The following MKS1 variants were observed in gnomAD, a reference collection of about 807,000 sequenced individuals.
MKS1 encodes the protein tectonic-like complex member MKS1.
A neutral mutation model predicts 83.7 loss-of-function variants in MKS1; 70 were observed. The ratio of observed to expected loss-of-function variants is 0.84; its 90% CI spans 0.69 to 1.02. The LOEUF is 1.02. MKS1 is among the 50% of genes least tolerant of loss of function. The probability of loss-of-function intolerance (pLI) is 0.00; values close to 1 mark genes in which losing one functional copy is unlikely to be tolerated. For synonymous variants in MKS1, 251 were observed against 273.4 expected (o/e 0.92, Z 0.81); for missense variants, 681 against 726.9 (o/e 0.94, Z 0.73).
chr17:58,206,146 C>T lies in MKS1; in HGVS notation c.1613G>A (p.Arg538His), dbSNP rs557678962. ...VLEAFRRARR[R>H]MQEARESLPQ... ...GAGGCTTTCCCGGGCCTCCTGCATG[C>T]GGCGCCGGGCTCGACGGAAGGCCTC... Residue 538 changes from arginine (R) to histidine (H), a missense_variant, in exon 18 of 18, where the codon CGC (arginine) becomes CAC (histidine). Arg to His is a conservative substitution (Grantham distance 29). Transcript: ENST00000393119. 7.7e-5 allele frequency: 124 copies of T among 1,613,478 alleles called. 2 individuals are homozygous for T. The highest frequency in any genetic ancestry group is 5.4e-4 in the South Asian group (49 of 91,054).
At chr17:58,218,488 ATAG>A in intron 2 of MKS1, 129 bp downstream of exon 2, 1 of 525,252 alleles carries the variant, frequency 1.9e-6, no homozygotes, top group South Asian at 1.8e-5. Flanking sequence ...AAAGCCACAA[ATAG>A]AATGTAGGTT....
At chr17:58,217,654 TA>T (rs376992793) in intron 2 of MKS1, among the ~76,000 whole-genome samples, 1 of 151,068 alleles carries the variant, frequency 6.6e-6, no homozygotes, top group Admixed American at 6.6e-5. Context: ...ACTAAAACTT[TA>T]AAAAAAAATA....
chr17:58,215,793 G>C, intron 4 of MKS1: 1 of 411,422 alleles, frequency 2.4e-6, no homozygotes, highest in Admixed American at 3.6e-5. Context: ...ATGCATGGAG[G>C]AAGTCAAGCC....
In MKS1 at chr17:58,214,136, G is replaced by A; in HGVS notation, c.644+123C>T. On this transcript the variant is annotated intron_variant, in intron 6 of 17. Transcript: ENST00000393119. ...AGTGAGAAGCTTCACTCATAACTAA[G>A]AAGAGAAGGAAGAAAAAGTCCCTCC... 6 of 1,435,714 alleles carry A rather than the reference G, an allele frequency of 4.2e-6. No individual in the cohort carries two copies. In the South Asian group the frequency reaches 5.9e-5, roughly 14 times the overall value. 88.9% of individuals were successfully genotyped at this position (1,435,714 alleles called of 1,614,324 possible).
In MKS1 at chr17:58,210,735, A is replaced by G. The variant is rs755259079; in HGVS notation, c.959-11T>C. 1.2e-6 allele frequency: 2 copies of G among 1,613,912 alleles called. No homozygotes were observed. The highest frequency in any genetic ancestry group is 1.7e-6 in the Non-Finnish European group (2 of 1,179,796). On this transcript the variant is annotated splice_polypyrimidine_tract_variant and intron_variant, in intron 10 of 17. Transcript: ENST00000393119. Reference sequence around the variant, plus strand: ...AGCCTTGGGCTGAAACTACGAGAGAAAACAGGAAGCTATTTTAGCTTTTTC... The same window carrying G: ...AGCCTTGGGCTGAAACTACGAGAGAGAACAGGAAGCTATTTTAGCTTTTTC...
At chr17:58,214,601 T>G (rs1969081725) in intron 5 of MKS1, 140 bp downstream of exon 5, 1 of 1,044,086 alleles carries the variant, frequency 9.6e-7, no homozygotes, top group Admixed American at 3.3e-5. Flanking sequence ...GAAGATATTT[T>G]ATATTTTTAT....
In MKS1 at chr17:58,214,942, C is replaced by T. The variant is rs761619839; in HGVS notation, c.418-104G>A. 4.6e-6 allele frequency: 7 copies of T among 1,514,360 alleles called. No homozygotes were observed. In the South Asian group the frequency reaches 4.8e-5, roughly 10 times the overall value. 93.8% of individuals were successfully genotyped at this position (1,514,360 alleles called of 1,614,324 possible). A position where few individuals can be genotyped will look rare whatever the true frequency, so the allele number is the denominator to read the frequency against. ...CCTGAAACCTCATCCAGGACCTGAA[C>T]CCCACAGGTTCCGCCACCTCACAAT... is the stretch of plus-strand genomic sequence containing the variant. On this transcript the variant is annotated intron_variant, in intron 4 of 17. Coordinates refer to ENST00000393119, the MANE Select transcript of MKS1 (RefSeq NM_017777.4).
At position 58,207,923 on chromosome 17, in the gene MKS1, T is replaced by C. The variant is rs765002709; in HGVS notation, c.1244A>G (p.Tyr415Cys). ...DFWQRYRVEG[Y>C]GAVVLPATPG... ...AGTGGCAGGCAGCACCACAGCCCCA[T>C]AGCCTTCCACACGGTACCTCTGCCA... Residue 415 changes from tyrosine to cysteine, a missense_variant, in exon 14 of 18, where the codon TAT (tyrosine) becomes TGT (cysteine). Tyr to Cys is a radical substitution (Grantham distance 194, BLOSUM62 -2). Coordinates refer to ENST00000393119, the MANE Select transcript of MKS1 (RefSeq NM_017777.4). The C allele has an allele frequency of 5.6e-6, 9 of 1,613,842 alleles. No individual in the cohort carries two copies. Among genetic ancestry groups the C allele is most frequent in the African/African-American group, 2.7e-5 (2 of 74,860 alleles).
intron 8 of MKS1, 42 bp downstream of exon 8, chr17:58,212,940 T>G: frequency 5.0e-6 from 8 of 1,591,184 alleles, no homozygotes; most frequent in Non-Finnish European, 6.9e-6. Flanking sequence ...CTCCAGGCAC[T>G]GAGGCTCATC....
chr17:58,214,356 T>C lies in MKS1; in HGVS notation c.547A>G (p.Thr183Ala). The change falls in exon 6 of 18, where the codon ACC (threonine) becomes GCC (alanine). Residue 183 changes from threonine (T) to alanine (A), a missense_variant. Transcript: ENST00000393119. ...EGGILKSRIV[T>A]WEPSEEFVRN... is the part of the protein sequence containing the mutation. ...ACAAACTCTTCTGAGGGCTCCCAGG[T>C]GACGATGCGTGACTTGAGGATGCCG... 6.2e-7 allele frequency: 1 copy of C among 1,613,622 alleles called. No individual in the cohort carries two copies. The highest frequency in any genetic ancestry group is 1.1e-5 in the South Asian group (1 of 91,048).
intron 4 of MKS1, 76 bp from the exon 5 acceptor site, chr17:58,214,914 C>T (rs768000495): frequency 1.3e-6 from 2 of 1,531,744 alleles, no homozygotes; most frequent in Non-Finnish European, 1.7e-6. Context: ...GGGAAGTCTT[C>T]CTCCTGAAAC....
At chr17:58,208,715 G>A (rs1968686583) in intron 11 of MKS1, 132 bp from the exon 12 acceptor site, 1 of 839,146 alleles carries the variant, frequency 1.2e-6, no homozygotes, top group African/African-American at 1.7e-5. Context: ...TCTCGGAGAG[G>A]GGGATGTGGC....
chr17:58,214,692 T>G, intron 5 of MKS1, 49 bp downstream of exon 5: 1 of 1,561,188 alleles, frequency 6.4e-7, no homozygotes, highest in Non-Finnish European at 8.6e-7. Context: ...TACCCAACTT[T>G]AGGAAATAAA....
chr17:58,218,085 A>C (rs973960008), intron 2 of MKS1, among the ~76,000 whole-genome samples: 1 of 152,258 alleles, frequency 6.6e-6, no homozygotes, highest in Non-Finnish European at 1.5e-5. Flanking sequence ...AGCAGTCTCC[A>C]GTTTAAAAAT....
rs1457838607 is a variant in MKS1, at chr17:58,219,151, C to A, written c.80G>T (p.Arg27Leu). 6.4e-7 allele frequency: 1 copy of A among 1,551,174 alleles called. No individual in the cohort carries two copies. ...CTCGGGGCTGGGGCGGTGCGACTAC[C>A]GGAGGCGCAAGTTGCGCACGGGGTC... is the stretch of plus-strand genomic sequence containing the variant. Reference protein sequence around the residue: ...SRDPVRNLRLRVHLQRITSSN... With the variant: ...SRDPVRNLRLLVHLQRITSSN... Residue 27 changes from arginine to leucine, a missense_variant and splice_region_variant, in exon 1 of 18, where the codon CGA becomes CTA. Around this residue, in one of 3 missense-constraint regions of MKS1, gnomAD observed 365 missense variants for 383.8 expected, o/e 0.95. Coordinates refer to ENST00000393119, the MANE Select transcript of MKS1 (RefSeq NM_017777.4).
At chr17:58,214,147 A>G in intron 6 of MKS1, 112 bp downstream of exon 6, 5 of 1,519,162 alleles carry the variant, frequency 3.3e-6, no homozygotes, top group Non-Finnish European at 4.5e-6. Flanking sequence ...AAGAGAAGGA[A>G]GAAAAAGTCC....
At position 58,213,788 on chromosome 17, in the gene MKS1, G is replaced by A; in HGVS notation, c.726C>T (p.Phe242=). 2 of 1,613,990 alleles carry A rather than the reference G, an allele frequency of 1.2e-6. No individual in the cohort carries two copies. The highest frequency in any genetic ancestry group is 1.7e-6 in the Non-Finnish European group (2 of 1,179,850). ...SNGVITVKPD[F]TGLKGPYRIE... ...ACCTGTAGGGTCCTTTGAGGCCCGT[G>A]AAGTCAGGCTTTACTGTGATCACAC... Residue 242 remains phenylalanine, a synonymous_variant, in exon 7 of 18, where the codon TTC becomes TTT. Transcript: ENST00000393119.
intron 14 of MKS1, 112 bp downstream of exon 14, chr17:58,207,782 A>T: frequency 9.3e-7 from 1 of 1,076,122 alleles, no homozygotes. Flanking sequence ...TTTCAAGCCA[A>T]ACATTTCCAA....
chr17:58,207,024 T>A lies in MKS1; in HGVS notation c.1407+61A>T, dbSNP rs1483526469. On this transcript the variant is annotated intron_variant, in intron 15 of 17. Coordinates refer to ENST00000393119, the MANE Select transcript of MKS1 (RefSeq NM_017777.4). ...AAGGGGTCTTGACCCAGATCCCACC[T>A]CCTACAGAAGGACAGGACCATAAGT... 3 of 1,611,482 alleles carry A rather than the reference T, an allele frequency of 1.9e-6. No individual in the cohort carries two copies. The African/African-American group carries it at 4.0e-5, about 22-fold the overall frequency.
Sources: gnomAD v4.1 joint callset for allele counts (sites outside exome capture counted in the v4.1 genomes callset) on GRCh38, gnomAD v4.1.1 for gene constraint, gnomAD v4.1.1 regional missense constraint, MANE v1.5 for transcripts, NCBI Gene and HGNC (gene_info 2026-07-23, HGNC 2026-07-21) for gene names.